Variants in BDKRB2 observed in about 807,000 individuals in gnomAD.
BDKRB2 encodes the protein B2 bradykinin receptor.
In BDKRB2, 6 loss-of-function variants were observed where a neutral mutation model predicts 4.0. The ratio of observed to expected loss-of-function variants is 1.49; its 90% confidence interval spans 0.81 to 2.93. The LOEUF is 2.93. Among genes scored for constraint, BDKRB2 ranks in the 30% most tolerant of loss-of-function variants. BDKRB2 has a pLI of 0.00. For missense variants in BDKRB2, 478 were observed against 520.1 expected (o/e 0.92, Z 0.79); for synonymous variants, 225 against 215.3 (o/e 1.05, Z -0.40).
At position 96,240,695 on chromosome 14, in the gene BDKRB2, T is replaced by C. The variant is rs775489416; in HGVS notation, c.367T>C (p.Trp123Arg). The change falls in exon 3 of 3, where the codon TGG (tryptophan) becomes CGG (arginine). Residue 123 changes from tryptophan (W) to arginine (R), a missense_variant. Coordinates refer to ENST00000554311, the MANE Select transcript of BDKRB2 (RefSeq NM_001379692.1). ...CATCACCATCTCCAACAACTTCGAC[T>C]GGCTCTTTGGGGAGACGCTCTGCCG... ...WAITISNNFD[W>R]LFGETLCRVV... The C allele has an allele frequency of 6.2e-7, 1 of 1,600,304 alleles. No individual in the cohort carries two copies. The highest frequency in any genetic ancestry group is 8.5e-7 in the Non-Finnish European group (1 of 1,173,902).
At chr14:96,240,059 G>A (rs1170939582) in intron 2 of BDKRB2, 19 of 1,040,264 alleles carry the variant, frequency 1.8e-5, no homozygotes, top group African/African-American at 3.4e-5. Context: ...CGGTTGATAA[G>A]GAAGGAATGT....
chr14:96,225,263 A>T (rs1207831072), intron 1 of BDKRB2, among the ~76,000 whole-genome samples: 1 of 152,090 alleles, frequency 6.6e-6, no homozygotes, highest in Non-Finnish European at 1.5e-5. Flanking sequence ...AAGCTCAGAG[A>T]TGCCGAGGCA....
intron 1 of BDKRB2, among the ~76,000 whole-genome samples, chr14:96,212,190 C>T (rs1202535751): frequency 6.6e-6 from 1 of 152,012 alleles, no homozygotes. Context: ...ATATAAAAAG[C>T]AAAACAAACT....
intron 1 of BDKRB2, among the ~76,000 whole-genome samples, chr14:96,231,244 C>G (rs1384474442): frequency 6.6e-6 from 1 of 152,176 alleles, no homozygotes; most frequent in Non-Finnish European, 1.5e-5. Flanking sequence ...CAGAACATTC[C>G]AGGCCCATAA....
At chr14:96,234,226 C>A (rs557811878) in intron 1 of BDKRB2, 1 of 152,244 alleles carries the variant, frequency 6.6e-6, no homozygotes, top group Non-Finnish European at 1.5e-5. Context: ...TGGGGTTCTG[C>A]GAAGAGCAGG....
intron 1 of BDKRB2, among the ~76,000 whole-genome samples, chr14:96,218,057 G>C (rs1230846393): frequency 6.6e-6 from 1 of 152,052 alleles, no homozygotes; most frequent in Non-Finnish European, 1.5e-5. Context: ...AGTTCCTCCA[G>C]GACAATCGTG....
intron 1 of BDKRB2, among the ~76,000 whole-genome samples, chr14:96,232,379 C>T (rs925615430): frequency 6.6e-6 from 1 of 152,236 alleles, no homozygotes; most frequent in African/African-American, 2.4e-5. Flanking sequence ...GCTGGCTTCC[C>T]GTCCGTAATG....
intron 1 of BDKRB2, among the ~76,000 whole-genome samples, chr14:96,216,193 G>A (rs907541615): frequency 6.6e-6 from 1 of 152,154 alleles, no homozygotes; most frequent in African/African-American, 2.4e-5. Flanking sequence ...ACAAACCCCA[G>A]GGCCCCACAT....
At chr14:96,210,652 G>A (rs1347685607) in intron 1 of BDKRB2, among the ~76,000 whole-genome samples, 1 of 152,144 alleles carries the variant, frequency 6.6e-6, no homozygotes, top group African/African-American at 2.4e-5. Flanking sequence ...TCCTTTCTGT[G>A]GGGGTCTGGC....
In BDKRB2 at chr14:96,213,848, G is replaced by A. The variant is rs61106893; in HGVS notation, c.-40+8889G>A. Among the ~76,000 whole-genome samples the A allele has an allele frequency of 0.014, 2,122 of 152,254 alleles. 149 individuals are homozygous for A. The East Asian group carries it at 0.2, about 14-fold the overall frequency. On this transcript the variant is annotated intron_variant, in intron 1 of 2. Transcript: ENST00000554311. ...TTGACAGTTGAGGAAATGGTCCCTA[G>A]AGGGGAGACAGAGCTAGCTAGAGAC...
intron 1 of BDKRB2, among the ~76,000 whole-genome samples, chr14:96,221,521 C>A (rs1595253418): frequency 6.6e-6 from 1 of 152,188 alleles, no homozygotes; most frequent in Admixed American, 6.5e-5. Flanking sequence ...AGTATTTACA[C>A]TGGGACCTTG....
chr14:96,232,019 G>A (rs965209803), intron 1 of BDKRB2, among the ~76,000 whole-genome samples: 31 of 152,216 alleles, frequency 2.0e-4, no homozygotes, highest in African/African-American at 7.5e-4. Context: ...CCATCCGGCT[G>A]TGTAATGAAT....
chr14:96,230,911 C>A (rs1365626389), intron 1 of BDKRB2, among the ~76,000 whole-genome samples: 2 of 152,094 alleles, frequency 1.3e-5, no homozygotes, highest in Non-Finnish European at 2.9e-5. Flanking sequence ...CCACAGCACC[C>A]AGCCTAGTTA....
intron 1 of BDKRB2, among the ~76,000 whole-genome samples, chr14:96,235,579 C>A (rs1890912420): frequency 6.6e-6 from 1 of 152,098 alleles, no homozygotes; most frequent in Admixed American, 6.6e-5. Context: ...TCCTGCAAAC[C>A]TTTTCCAGGT....
At position 96,240,991 on chromosome 14, in the gene BDKRB2, A is replaced by T. The variant is rs750517955; in HGVS notation, c.663A>T (p.Glu221Asp). Reference sequence around the variant, plus strand: ...TCAGCTACCCATCCCTCATCTGGGAAGTGTTCACCAACATGCTCCTGAATG... The same window carrying T: ...TCAGCTACCCATCCCTCATCTGGGATGTGTTCACCAACATGCTCCTGAATG... ...CVISYPSLIW[E>D]VFTNMLLNVV... is the part of the protein sequence containing the mutation. The change falls in exon 3 of 3, where the codon GAA becomes GAT. Residue 221 changes from glutamate (E) to aspartate (D), a missense_variant. By Grantham distance (45) the Glu-to-Asp change is conservative (BLOSUM62 2). Coordinates refer to ENST00000554311, the MANE Select transcript of BDKRB2 (RefSeq NM_001379692.1). 8 of 1,599,316 alleles carry T rather than the reference A, an allele frequency of 5.0e-6. No individual in the cohort carries two copies. The South Asian group carries it at 6.7e-5, about 13-fold the overall frequency.
rs983058980 is a variant in BDKRB2, at chr14:96,241,639, G to A, written c.*135G>A. ...GAGTTGATGTCTCCGGTAAAACACC[G>A]GAGACTAATTCCTGCCCTGCCCAAT... On this transcript the variant is annotated 3_prime_UTR_variant, in exon 3 of 3. Coordinates refer to ENST00000554311, the MANE Select transcript of BDKRB2 (RefSeq NM_001379692.1). The A allele has an allele frequency of 1.6e-5, 22 of 1,383,998 alleles. No individual in the cohort carries two copies. The highest frequency in any genetic ancestry group is 4.4e-5 in the African/African-American group (3 of 68,940). The allele number at this position is 1,383,998 out of a possible 1,614,324, so 85.7% of individuals were successfully genotyped here. A position where few individuals can be genotyped will look rare whatever the true frequency, so the allele number is the denominator to read the frequency against.
chr14:96,215,902 T>C (rs1201175006), intron 1 of BDKRB2, among the ~76,000 whole-genome samples: 3 of 152,022 alleles, frequency 2.0e-5, no homozygotes, highest in African/African-American at 7.3e-5. Context: ...CTCAGAGAGG[T>C]TAAGGGCACT....
intron 2 of BDKRB2, chr14:96,238,171 A>G (rs1890981233): frequency 2.2e-6 from 2 of 890,078 alleles, no homozygotes; most frequent in Non-Finnish European, 2.7e-6. Flanking sequence ...AAGGCTAGGA[A>G]ACCAGGAGCC....
At chr14:96,209,208 C>T (rs1190913116) in intron 1 of BDKRB2, among the ~76,000 whole-genome samples, 9 of 152,168 alleles carry the variant, frequency 5.9e-5, no homozygotes, top group South Asian at 4.1e-4. Context: ...TGACAGACTG[C>T]GGCAAATCTC....
Sources: gnomAD v4.1 joint callset for allele counts (sites outside exome capture counted in the v4.1 genomes callset) on GRCh38, gnomAD v4.1.1 for gene constraint, MANE v1.5 for transcripts, NCBI Gene and HGNC (gene_info 2026-07-23, HGNC 2026-07-21) for gene names.